CSMD1: variants seen among roughly 807,000 people sequenced by gnomAD.
CSMD1 encodes the protein CUB and sushi domain-containing protein 1.
In CSMD1, 213 loss-of-function variants were observed where a neutral mutation model predicts 417.5. The ratio of observed to expected loss-of-function variants is 0.51; its 90% CI spans 0.46 to 0.57. The LOEUF (loss-of-function observed/expected upper bound fraction) is 0.57, where lower values mean the gene tolerates loss of function less well. Among genes scored for constraint, CSMD1 ranks in the 20% least tolerant of loss-of-function variants. The pLI, the probability that CSMD1 is intolerant of heterozygous loss-of-function variation, is 0.00. For missense variants in CSMD1, 6,923 were observed against 4,529.7 expected (o/e 1.53, Z -15.17); for synonymous variants, 2,862 against 1,736.8 (o/e 1.65, Z -16.11).
intron 5 of CSMD1, among the ~76,000 whole-genome samples, chr8:3,897,435 T>C (rs912940337): frequency 6.6e-6 from 1 of 152,208 alleles, no homozygotes; most frequent in African/African-American, 2.4e-5. Flanking sequence ...TAACTTTTAA[T>C]TCAATTTATG....
At chr8:4,620,967 G>T (rs1040534695) in intron 2 of CSMD1, among the ~76,000 whole-genome samples, 2 of 151,748 alleles carry the variant, frequency 1.3e-5, no homozygotes, top group Admixed American at 6.6e-5. Flanking sequence ...AAGAAAATTG[G>T]CAAACTCTTG....
chr8:2,946,482 C>G (rs965716624), intron 68 of CSMD1, among the ~76,000 whole-genome samples: 2 of 152,194 alleles, frequency 1.3e-5, no homozygotes, highest in African/African-American at 2.4e-5. Context: ...GTAATGGATT[C>G]ATAGACTATT....
chr8:4,456,703 C>T (rs1039875615), intron 2 of CSMD1, among the ~76,000 whole-genome samples: 10 of 152,138 alleles, frequency 6.6e-5, no homozygotes, highest in Non-Finnish European at 1.3e-4. Flanking sequence ...GTGGAAGAAA[C>T]AGGCATGTGG....
intron 1 of CSMD1, among the ~76,000 whole-genome samples, chr8:4,951,559 G>C (rs1051666240): frequency 2.6e-4 from 37 of 141,576 alleles, no homozygotes; most frequent in Admixed American, 1.2e-3. Flanking sequence ...AAAAGGAAAA[G>C]AGAAAATAAA....
At chr8:3,865,570 C>T (rs17067793) in intron 5 of CSMD1, among the ~76,000 whole-genome samples, 4 of 151,936 alleles carry the variant, frequency 2.6e-5, no homozygotes, top group Non-Finnish European at 4.4e-5. Flanking sequence ...AGTGGGAAGC[C>T]GCAGGAGAAT....
intron 6 of CSMD1, among the ~76,000 whole-genome samples, chr8:3,743,282 G>C (rs190514862): frequency 7.2e-5 from 11 of 152,178 alleles, no homozygotes; most frequent in Non-Finnish European, 1.3e-4. Flanking sequence ...AACATGAAGC[G>C]AATTCTGCCT....
chr8:3,465,094 G>GC (rs1239999772), intron 12 of CSMD1, among the ~76,000 whole-genome samples: 1 of 152,068 alleles, frequency 6.6e-6, no homozygotes, highest in Non-Finnish European at 1.5e-5. Context: ...CTGAAGTCTA[G>GC]CAAGAGCGTT....
chr8:3,841,887 G>C (rs1382499149), intron 5 of CSMD1, among the ~76,000 whole-genome samples: 5 of 151,536 alleles, frequency 3.3e-5, no homozygotes, highest in African/African-American at 9.7e-5. Context: ...GGCCACACTG[G>C]CCACGGCAAA....
At position 4,345,420 on chromosome 8, in the gene CSMD1, G is replaced by C. The variant is rs1330507649; in HGVS notation, c.415+74533C>G. 2.0e-5 allele frequency among the ~76,000 whole-genome samples: 3 copies of C among 152,020 alleles called. No homozygotes were observed. The South Asian group carries it at 6.2e-4, about 32-fold the overall frequency. On this transcript the variant is annotated intron_variant, in intron 3 of 69. Coordinates refer to ENST00000635120, the MANE Select transcript of CSMD1 (RefSeq NM_033225.6). ...TTTTCATACATGGATACAATGTATA[G>C]TGATCAAATCAGGATAAAGAAGAGA...
intron 5 of CSMD1, among the ~76,000 whole-genome samples, chr8:3,814,770 T>C (rs1182151944): frequency 2.0e-5 from 3 of 152,184 alleles, no homozygotes; most frequent in African/African-American, 7.2e-5. Flanking sequence ...AATGGACTAT[T>C]CTGCCACGAT....
At chr8:4,027,673 A>G (rs1315492870) in intron 4 of CSMD1, among the ~76,000 whole-genome samples, 1 of 152,202 alleles carries the variant, frequency 6.6e-6, no homozygotes, top group East Asian at 1.9e-4. Flanking sequence ...GTAGCATGAT[A>G]ACGGACTAAT....
chr8:3,112,353 T>A (rs1034363641), intron 42 of CSMD1, among the ~76,000 whole-genome samples: 1 of 152,306 alleles, frequency 6.6e-6, no homozygotes, highest in East Asian at 1.9e-4. Flanking sequence ...TAGTTGAATC[T>A]TGTAGTTACA....
At chr8:3,963,719 A>C (rs562318672) in intron 5 of CSMD1, among the ~76,000 whole-genome samples, 1 of 152,216 alleles carries the variant, frequency 6.6e-6, no homozygotes, top group East Asian at 1.9e-4. Context: ...AAACTGCAAT[A>C]ATTTTGATAG....
At chr8:4,335,165 A>G (rs1030361119) in intron 3 of CSMD1, among the ~76,000 whole-genome samples, 1 of 152,076 alleles carries the variant, frequency 6.6e-6, no homozygotes, top group Non-Finnish European at 1.5e-5. Context: ...CAGCCTCCCA[A>G]GGTGCTGGGA....
chr8:3,310,127 G>A (rs182374411), intron 23 of CSMD1, among the ~76,000 whole-genome samples: 2 of 152,310 alleles, frequency 1.3e-5, no homozygotes, highest in East Asian at 1.9e-4. Context: ...TAGGGGGATG[G>A]TTTCAATCAA....
chr8:4,156,588 C>G (rs1372973617), intron 3 of CSMD1, among the ~76,000 whole-genome samples: 1 of 151,992 alleles, frequency 6.6e-6, no homozygotes, highest in Non-Finnish European at 1.5e-5. Flanking sequence ...CAAAAGCATT[C>G]AGTTAGTGAC....
chr8:4,703,812 C>T (rs1487109424), intron 1 of CSMD1, among the ~76,000 whole-genome samples: 1 of 152,122 alleles, frequency 6.6e-6, no homozygotes, highest in African/African-American at 2.4e-5. Flanking sequence ...GCTCAACAGT[C>T]CCCAGCATTT....
At chr8:4,489,413 C>A (rs1154086) in intron 2 of CSMD1, among the ~76,000 whole-genome samples, 2,746 of 152,290 alleles carry the variant, frequency 0.018, 73 homozygotes, top group African/African-American at 0.061. Context: ...TACCATTCTT[C>A]AAAGTGATGC....
chr8:3,879,586 G>A (rs1371400931), intron 5 of CSMD1, among the ~76,000 whole-genome samples: 2 of 152,128 alleles, frequency 1.3e-5, no homozygotes, highest in Admixed American at 6.6e-5. Flanking sequence ...CAATCACATA[G>A]CTATCAGAAT....
Sources: gnomAD v4.1 joint callset for allele counts (sites outside exome capture counted in the v4.1 genomes callset) on GRCh38, gnomAD v4.1.1 for gene constraint, MANE v1.5 for transcripts, NCBI Gene and HGNC (gene_info 2026-07-23, HGNC 2026-07-21) for gene names.